RUNX1: variants seen among roughly 807,000 people sequenced by gnomAD.
The protein encoded by RUNX1 is RUNX family transcription factor 1, also known as runt-related transcription factor 1.
Under a neutral mutation model 42.8 loss-of-function variants are expected in RUNX1, and 19 were observed. The observed-to-expected ratio is 0.44, with a 90% CI of 0.31 to 0.65. The LOEUF (loss-of-function observed/expected upper bound fraction) is 0.65, where lower values mean the gene tolerates loss of function less well. Among genes scored for constraint, RUNX1 ranks in the 30% least tolerant of loss-of-function variants. The pLI is 0.07. For missense variants in RUNX1, 528 were observed against 672.0 expected (o/e 0.79, Z 2.37); for synonymous variants, 271 against 289.4 (o/e 0.94, Z 0.64).
At chr21:34,851,449 A>G (rs1039179404) in intron 6 of RUNX1, among the ~76,000 whole-genome samples, 1 of 152,256 alleles carries the variant, frequency 6.6e-6, no homozygotes, top group African/African-American at 2.4e-5. Context: ...AATGAAGACG[A>G]AAGTATTTAA....
intron 2 of RUNX1, among the ~76,000 whole-genome samples, chr21:35,014,314 C>T (rs574638129): frequency 5.3e-5 from 8 of 152,278 alleles, no homozygotes; most frequent in African/African-American, 1.9e-4. Flanking sequence ...CAATCTCCTG[C>T]AGCAACTGAA....
intron 5 of RUNX1, among the ~76,000 whole-genome samples, chr21:34,861,475 T>G (rs929673003): frequency 6.6e-6 from 1 of 152,188 alleles, no homozygotes; most frequent in South Asian, 2.1e-4. Context: ...ACAAGCCTCA[T>G]GGTCAGCCTG....
chr21:35,026,495 G>A (rs2059237752), intron 2 of RUNX1, among the ~76,000 whole-genome samples: 1 of 152,226 alleles, frequency 6.6e-6, no homozygotes, highest in Non-Finnish European at 1.5e-5. Context: ...TCATGAGGAT[G>A]TAGTCTTTCT....
chr21:34,980,274 G>T (rs1032005060), intron 2 of RUNX1, among the ~76,000 whole-genome samples: 6 of 152,250 alleles, frequency 3.9e-5, no homozygotes, highest in African/African-American at 1.4e-4. Flanking sequence ...AAGTACCCAG[G>T]GAAAAATCAC....
intron 7 of RUNX1, among the ~76,000 whole-genome samples, chr21:34,810,007 A>G (rs1258960922): frequency 6.6e-6 from 1 of 151,988 alleles, no homozygotes; most frequent in African/African-American, 2.4e-5. Context: ...TCTGGTGACT[A>G]CCCCATCCAT....
At chr21:35,014,011 A>G (rs2059142916) in intron 2 of RUNX1, among the ~76,000 whole-genome samples, 1 of 152,234 alleles carries the variant, frequency 6.6e-6, no homozygotes, top group South Asian at 2.1e-4. Context: ...AATACATTTT[A>G]ACATTATGGA....
chr21:35,041,890 C>T (rs770706957), intron 2 of RUNX1, among the ~76,000 whole-genome samples: 13 of 151,796 alleles, frequency 8.6e-5, no homozygotes, highest in African/African-American at 3.1e-4. Flanking sequence ...TTATGAAGGG[C>T]CATTTGAAAG....
chr21:35,045,330 T>C (rs1415913640), intron 2 of RUNX1, among the ~76,000 whole-genome samples: 1 of 152,182 alleles, frequency 6.6e-6, no homozygotes, highest in Non-Finnish European at 1.5e-5. Flanking sequence ...AGTTTCCTTG[T>C]GGGCCAGGGT....
intron 7 of RUNX1, among the ~76,000 whole-genome samples, chr21:34,803,313 C>T (rs965827354): frequency 6.6e-6 from 1 of 151,946 alleles, no homozygotes; most frequent in African/African-American, 2.4e-5. Context: ...TTTGGGAGGC[C>T]GAGGCGGGTG....
chr21:34,984,400 G>A (rs559059336), intron 2 of RUNX1, among the ~76,000 whole-genome samples: 13 of 151,212 alleles, frequency 8.6e-5, no homozygotes, highest in African/African-American at 2.9e-4. Context: ...GCACCAGAAG[G>A]TCCCATATGA....
chr21:34,888,550 G>C, intron 3 of RUNX1: 2 of 1,064,198 alleles, frequency 1.9e-6, no homozygotes, highest in Non-Finnish European at 1.1e-6. Context: ...AGGCCAAGGA[G>C]AAGCAGCAGA....
chr21:35,020,643 C>T (rs2059191835), intron 2 of RUNX1, among the ~76,000 whole-genome samples: 1 of 152,136 alleles, frequency 6.6e-6, no homozygotes, highest in African/African-American at 2.4e-5. Context: ...GCCAACGTCA[C>T]CTGGCTGCTG....
chr21:34,815,562 C>T (rs1404538767), intron 7 of RUNX1, among the ~76,000 whole-genome samples: 1 of 151,968 alleles, frequency 6.6e-6, no homozygotes, highest in Non-Finnish European at 1.5e-5. Context: ...AAAGAGTAAA[C>T]TTGGAAGGAT....
At chr21:34,816,394 G>A (rs1490607547) in intron 7 of RUNX1, among the ~76,000 whole-genome samples, 2 of 151,642 alleles carry the variant, frequency 1.3e-5, no homozygotes, top group African/African-American at 4.8e-5. Flanking sequence ...GCGGGTGGGG[G>A]CACGCTCAGG....
chr21:35,005,888 A>C (rs1036044494), intron 2 of RUNX1, among the ~76,000 whole-genome samples: 2 of 152,192 alleles, frequency 1.3e-5, no homozygotes, highest in Non-Finnish European at 2.9e-5. Context: ...TGGCCTTGAC[A>C]CATTTAATGT....
intron 2 of RUNX1, among the ~76,000 whole-genome samples, chr21:35,007,100 G>C (rs1601664774): frequency 1.3e-5 from 2 of 152,338 alleles, no homozygotes; most frequent in African/African-American, 4.8e-5. Flanking sequence ...ACTCGGGAAA[G>C]AGAAAGAGTG....
intron 2 of RUNX1, among the ~76,000 whole-genome samples, chr21:34,932,335 T>C (rs1159939251): frequency 6.6e-6 from 1 of 152,130 alleles, no homozygotes; most frequent in African/African-American, 2.4e-5. Flanking sequence ...AGTTATATTT[T>C]ATACATTCTA....
rs8126699 is a variant in RUNX1, at chr21:34,886,542, T to C, written c.351+301A>G. 0.17 allele frequency among the ~76,000 whole-genome samples: 25,855 copies of C among 152,182 alleles called. 3,252 individuals carry two copies. Among genetic ancestry groups the C allele is most frequent in the African/African-American group, 0.35 (14,534 of 41,486 alleles). The stretch of plus-strand genomic sequence containing the variant: ...GGGCTGGGTTATAACTTTTCCTACT[T>C]TGTATCAAAGCTAAGGCCCCTGCCA... On this transcript the variant is annotated intron_variant, in intron 4 of 8. Coordinates refer to ENST00000675419, the MANE Select transcript of RUNX1 (RefSeq NM_001754.5).
At chr21:35,024,641 C>T (rs952367362) in intron 2 of RUNX1, among the ~76,000 whole-genome samples, 4 of 152,230 alleles carry the variant, frequency 2.6e-5, no homozygotes, top group Non-Finnish European at 5.9e-5. Context: ...CCTGAAAGTA[C>T]TACAGTATGA....
Sources: allele counts gnomAD v4.1 joint callset (sites outside exome capture counted in the v4.1 genomes callset), GRCh38; gene constraint gnomAD v4.1.1; transcripts MANE v1.5; gene names NCBI Gene and HGNC (gene_info 2026-07-23, HGNC 2026-07-21).